PXDNL: variants seen among roughly 807,000 people sequenced by gnomAD.
PXDNL encodes peroxidasin like.
PXDNL carries 145 observed loss-of-function variants against 150.8 expected under a neutral mutation model. The ratio of observed to expected loss-of-function variants is 0.96; its 90% CI spans 0.84 to 1.10. The LOEUF (loss-of-function observed/expected upper bound fraction) is 1.10, where lower values mean the gene tolerates loss of function less well. Ranked by LOEUF, PXDNL falls within the 50% of genes least tolerant of loss-of-function variation. The pLI is 0.00. For synonymous variants in PXDNL, 757 were observed against 725.7 expected (o/e 1.04, Z -0.69); for missense variants, 2,087 against 1,873.9 (o/e 1.11, Z -2.10).
At chr8:51,693,848 A>G (rs1276193308) in intron 1 of PXDNL, among the ~76,000 whole-genome samples, 2 of 152,226 alleles carry the variant, frequency 1.3e-5, no homozygotes, top group Non-Finnish European at 2.9e-5. Flanking sequence ...TAATACATAG[A>G]CTATAAATGA....
At chr8:51,763,788 A>C (rs1036500227) in intron 1 of PXDNL, among the ~76,000 whole-genome samples, 1 of 152,238 alleles carries the variant, frequency 6.6e-6, no homozygotes, top group African/African-American at 2.4e-5. Context: ...ACCTCCAAAA[A>C]AAATTATCCA....
At chr8:51,600,635 A>G in intron 2 of PXDNL, among the ~76,000 whole-genome samples, 1 of 134,574 alleles carries the variant, frequency 7.4e-6, no homozygotes, top group South Asian at 2.4e-4. Flanking sequence ...TATATAAATT[A>G]TATAGTTAGA....
chr8:51,809,411 G>C lies in PXDNL; in HGVS notation c.-67C>G. 2 of 1,431,262 alleles carry C rather than the reference G, an allele frequency of 1.4e-6. No homozygotes were observed. The highest frequency in any genetic ancestry group is 1.9e-6 in the Non-Finnish European group (2 of 1,078,990). The allele number at this position is 1,431,262 out of a possible 1,614,324, so 88.7% of individuals were successfully genotyped here. A position where few individuals can be genotyped will look rare whatever the true frequency, so the allele number is the denominator to read the frequency against. ...GAGAGCAGCAGCTGCAGCTGCAGCAGCAACCGCAGTGGTGGTGATGGTGGC... is the reference window on the plus strand; with the variant it reads ...GAGAGCAGCAGCTGCAGCTGCAGCACCAACCGCAGTGGTGGTGATGGTGGC... On this transcript the variant is annotated 5_prime_UTR_variant, in exon 1 of 23. Coordinates refer to ENST00000356297, the MANE Select transcript of PXDNL (RefSeq NM_144651.5).
At chr8:51,550,415 A>G (rs1267572842) in intron 4 of PXDNL, among the ~76,000 whole-genome samples, 1 of 152,144 alleles carries the variant, frequency 6.6e-6, no homozygotes, top group Non-Finnish European at 1.5e-5. Flanking sequence ...CCTGATGAAA[A>G]TGATGCAAAA....
At chr8:51,458,623 G>A (rs1809995240) in intron 8 of PXDNL, among the ~76,000 whole-genome samples, 1 of 152,130 alleles carries the variant, frequency 6.6e-6, no homozygotes. Context: ...AAGAAAAAGT[G>A]CATTAGGAGA....
At chr8:51,363,450 TTACAACTC>T (rs1806815809) in intron 19 of PXDNL, among the ~76,000 whole-genome samples, 1 of 152,098 alleles carries the variant, frequency 6.6e-6, no homozygotes, top group Non-Finnish European at 1.5e-5. Flanking sequence ...TCTTAAGGGC[TTACAACTC>T]TAGGGGTTCC....
chr8:51,409,556 G>A lies in PXDNL; in HGVS notation c.2068C>T (p.Arg690Trp), dbSNP rs776683885. ...LTVDLEGKEF[R>W]YNDLVSPRSL... is the part of the protein sequence containing the mutation. The stretch of plus-strand genomic sequence containing the variant: ...CGCGGGGACACCAAGTCATTGTACC[G>A]GAATTCTGAAAGGCAAGCGGCGAAA... The change falls in exon 17 of 23, where the codon CGG (arginine) becomes TGG (tryptophan). Residue 690 changes from arginine (R) to tryptophan (W), a missense_variant. Arg to Trp is a moderately radical substitution (Grantham distance 101). Transcript: ENST00000356297. 6.4e-7 allele frequency: 1 copy of A among 1,567,608 alleles called. No individual in the cohort carries two copies. Among genetic ancestry groups the A allele is most frequent in the Non-Finnish European group, 8.7e-7 (1 of 1,155,226 alleles).
Position 51,374,720 on chromosome 8 carries a change from G to A in PXDNL, c.3569C>T (p.Ser1190Phe), listed in dbSNP as rs267601940. 3.1e-6 allele frequency: 5 copies of A among 1,613,860 alleles called. No individual in the cohort carries two copies. The highest frequency in any genetic ancestry group is 2.7e-5 in the African/African-American group (2 of 75,026). Residue 1190 changes from serine to phenylalanine, a missense_variant, in exon 18 of 23, where the codon TCT becomes TTT. Coordinates refer to ENST00000356297, the MANE Select transcript of PXDNL (RefSeq NM_144651.5). The part of the protein sequence containing the change: ...IRQKLRKLYG[S>F]PGDIDLWPAL... ...GGGCCAGAGGTCAATGTCACCTGGA[G>A]AGCCGTACAACCTGGAACAGAGACA... is the stretch of plus-strand genomic sequence containing the variant.
At chr8:51,447,541 T>C (rs775095890) in intron 11 of PXDNL, among the ~76,000 whole-genome samples, 21 of 152,230 alleles carry the variant, frequency 1.4e-4, no homozygotes, top group Non-Finnish European at 2.6e-4. Flanking sequence ...TATGCAATAT[T>C]TGGAATACAA....
chr8:51,692,387 TG>T (rs1305893793), intron 1 of PXDNL, among the ~76,000 whole-genome samples: 2 of 152,162 alleles, frequency 1.3e-5, no homozygotes, highest in African/African-American at 2.4e-5. Context: ...AGTATCCACA[TG>T]GGAATTTGGA....
At chr8:51,566,331 T>C (rs1450312865) in intron 3 of PXDNL, among the ~76,000 whole-genome samples, 1 of 151,816 alleles carries the variant, frequency 6.6e-6, no homozygotes, top group Non-Finnish European at 1.5e-5. Context: ...TTCCCTCTGT[T>C]TCTGTTTTTC....
chr8:51,450,764 C>T (rs1206644915), intron 10 of PXDNL, among the ~76,000 whole-genome samples: 1 of 152,028 alleles, frequency 6.6e-6, no homozygotes, highest in Admixed American at 6.6e-5. Context: ...GAAAACAGCC[C>T]ACAAATCAGC....
At chr8:51,571,105 A>C (rs549926545) in intron 3 of PXDNL, among the ~76,000 whole-genome samples, 2 of 151,836 alleles carry the variant, frequency 1.3e-5, no homozygotes, top group Non-Finnish European at 2.9e-5. Flanking sequence ...TTGAAAAAAA[A>C]AATTGTCAGA....
intron 17 of PXDNL, among the ~76,000 whole-genome samples, chr8:51,377,813 C>T (rs528484029): frequency 6.6e-6 from 1 of 152,326 alleles, no homozygotes; most frequent in African/African-American, 2.4e-5. Flanking sequence ...ACCGCGGGCT[C>T]CTGCGCAGCC....
intron 2 of PXDNL, among the ~76,000 whole-genome samples, chr8:51,612,510 C>T (rs559164279): frequency 7.6e-4 from 115 of 152,256 alleles, no homozygotes; most frequent in Non-Finnish European, 1.2e-3. Context: ...ATGGTCTGAA[C>T]GTTTGTGCCC....
intron 17 of PXDNL, among the ~76,000 whole-genome samples, chr8:51,403,291 G>A (rs371494168): frequency 6.6e-6 from 1 of 152,112 alleles, no homozygotes; most frequent in Non-Finnish European, 1.5e-5. Flanking sequence ...AAGGAGGCAG[G>A]ATATTTGTAC....
intron 2 of PXDNL, among the ~76,000 whole-genome samples, chr8:51,649,545 G>A (rs1457928041): frequency 6.6e-6 from 1 of 152,032 alleles, no homozygotes; most frequent in Non-Finnish European, 1.5e-5. Context: ...CACATATTTA[G>A]TCATTGTAAA....
chr8:51,656,534 A>T (rs532002840), intron 1 of PXDNL, among the ~76,000 whole-genome samples: 2 of 152,332 alleles, frequency 1.3e-5, no homozygotes, highest in South Asian at 4.1e-4. Flanking sequence ...GCTAAAAATT[A>T]ACAGTTATAG....
chr8:51,386,227 G>A (rs1332271355), intron 17 of PXDNL, among the ~76,000 whole-genome samples: 1 of 151,986 alleles, frequency 6.6e-6, no homozygotes, highest in Non-Finnish European at 1.5e-5. Flanking sequence ...GGAGTAGCTG[G>A]GACTACAGGC....
Sources: allele counts gnomAD v4.1 joint callset (sites outside exome capture counted in the v4.1 genomes callset), GRCh38; gene constraint gnomAD v4.1.1; transcripts MANE v1.5; gene names NCBI Gene and HGNC (gene_info 2026-07-23, HGNC 2026-07-21).